The following PTPRD variants were observed in gnomAD, a reference collection of about 807,000 sequenced individuals.
PTPRD encodes protein tyrosine phosphatase receptor type D.
In PTPRD, 34 loss-of-function variants were observed where a neutral mutation model predicts 214.5. The ratio of observed to expected loss-of-function variants is 0.16; its 90% CI spans 0.12 to 0.21. PTPRD has a LOEUF of 0.21. Among genes scored for constraint, PTPRD ranks in the 10% least tolerant of loss-of-function variants. The pLI is 1.00. For missense variants in PTPRD, 2,545 were observed against 2,398.7 expected, an observed-to-expected ratio of 1.06 and a Z score of -1.27; for synonymous variants, 1,128 against 845.7, an observed-to-expected ratio of 1.33 and a Z score of -5.79.
chr9:9,829,428 T>A (rs2054072781), intron 5 of PTPRD, among the ~76,000 whole-genome samples: 1 of 151,896 alleles, frequency 6.6e-6, no homozygotes, highest in Non-Finnish European at 1.5e-5. Flanking sequence ...TGTTGTGGAA[T>A]TCATTTTGTT....
chr9:8,839,778 T>A (rs57486265), intron 11 of PTPRD, among the ~76,000 whole-genome samples: 5,181 of 147,980 alleles, frequency 0.035, 230 homozygotes, highest in African/African-American at 0.11. Context: ...GTGGGAGAAA[T>A]GGGAAGAAGG....
At chr9:9,019,529 AC>A (rs2099554730) in intron 10 of PTPRD, among the ~76,000 whole-genome samples, 1 of 152,030 alleles carries the variant, frequency 6.6e-6, no homozygotes, top group East Asian at 1.9e-4. Context: ...ACATGGTGAA[AC>A]CCCATCTCTA....
At chr9:9,242,518 A>G (rs1261516148) in intron 9 of PTPRD, among the ~76,000 whole-genome samples, 1 of 152,092 alleles carries the variant, frequency 6.6e-6, no homozygotes, top group African/African-American at 2.4e-5. Context: ...ACATAGTCCC[A>G]TATTTCTTGG....
chr9:8,537,119 C>T (rs1564157633), intron 14 of PTPRD, among the ~76,000 whole-genome samples: 1 of 151,974 alleles, frequency 6.6e-6, no homozygotes, highest in East Asian at 1.9e-4. Context: ...ACATCATGAC[C>T]ATTATTATTC....
chr9:8,931,464 T>G (rs180714893), intron 11 of PTPRD, among the ~76,000 whole-genome samples: 19 of 152,322 alleles, frequency 1.2e-4, no homozygotes, highest in African/African-American at 4.3e-4. Flanking sequence ...TGGTTCCGTA[T>G]GAACTTTAAA....
intron 12 of PTPRD, among the ~76,000 whole-genome samples, chr9:8,652,972 T>G (rs1163734735): frequency 6.6e-6 from 1 of 152,166 alleles, no homozygotes; most frequent in Non-Finnish European, 1.5e-5. Flanking sequence ...TACATGCTGC[T>G]TCTTTCCCTC....
At chr9:8,769,896 G>A (rs1565922233) in intron 11 of PTPRD, among the ~76,000 whole-genome samples, 1 of 151,956 alleles carries the variant, frequency 6.6e-6, no homozygotes, top group Admixed American at 6.6e-5. Flanking sequence ...ATACACAATG[G>A]GTTTAAAAAA....
At chr9:9,056,585 T>G (rs1191528674) in intron 10 of PTPRD, among the ~76,000 whole-genome samples, 2 of 152,242 alleles carry the variant, frequency 1.3e-5, no homozygotes. Context: ...ATGAGCATTT[T>G]AATCTCATAA....
chr9:8,696,157 G>C (rs1227961760), intron 12 of PTPRD, among the ~76,000 whole-genome samples: 2 of 152,132 alleles, frequency 1.3e-5, no homozygotes, highest in African/African-American at 4.8e-5. Flanking sequence ...TTCACGTTAT[G>C]TTTTTCAAGG....
At chr9:9,690,479 T>C (rs1012785070) in intron 7 of PTPRD, among the ~76,000 whole-genome samples, 1 of 151,918 alleles carries the variant, frequency 6.6e-6, no homozygotes, top group Non-Finnish European at 1.5e-5. Context: ...AGAAGATGTT[T>C]AGCTTGATAT....
rs3076471 is a variant in PTPRD at position 10,588,427 on chromosome 9, T to TACACACACACACACACAC, written c.-600+23953_-600+23970dup. Among the ~76,000 whole-genome samples the TACACACACACACACACAC allele has an allele frequency of 4.4e-3, 648 of 146,690 alleles. 5 individuals carry two copies. Among genetic ancestry groups the TACACACACACACACACAC allele is most frequent in the Non-Finnish European group, 5.1e-3 (339 of 66,348 alleles). ...ATGAAGGTGTCATTTTGGCTTATTGTACACACACACACACACACACACACA... is the reference window on the plus strand; with the variant it reads ...ATGAAGGTGTCATTTTGGCTTATTGTACACACACACACACACACACACACACACACACACACACACACA... On this transcript the variant is annotated intron_variant, in intron 2 of 45. Coordinates refer to ENST00000381196, the MANE Select transcript of PTPRD (RefSeq NM_002839.4).
chr9:10,287,485 T>A (rs1165281989), intron 3 of PTPRD, among the ~76,000 whole-genome samples: 1 of 152,192 alleles, frequency 6.6e-6, no homozygotes, highest in African/African-American at 2.4e-5. Context: ...CCTATGAATC[T>A]GAGTGCCATG....
intron 9 of PTPRD, among the ~76,000 whole-genome samples, chr9:9,391,611 T>C (rs2065870284): frequency 6.6e-6 from 1 of 152,212 alleles, no homozygotes; most frequent in Admixed American, 6.5e-5. Context: ...AGTCCTCATT[T>C]GTATATGCAC....
intron 10 of PTPRD, among the ~76,000 whole-genome samples, chr9:9,100,841 A>G (rs1274233417): frequency 2.6e-5 from 4 of 152,262 alleles, no homozygotes; most frequent in African/African-American, 9.6e-5. Context: ...TCCTGATCTC[A>G]TATTATATTA....
intron 2 of PTPRD, among the ~76,000 whole-genome samples, chr9:10,561,826 A>C (rs2064051398): frequency 6.6e-6 from 1 of 152,106 alleles, no homozygotes; most frequent in Admixed American, 6.6e-5. Context: ...CTTGGCTTTT[A>C]ATATTAATAT....
At chr9:9,473,256 A>T (rs1250233440) in intron 8 of PTPRD, among the ~76,000 whole-genome samples, 4 of 152,116 alleles carry the variant, frequency 2.6e-5, no homozygotes, top group Non-Finnish European at 5.9e-5. Context: ...GACTTATTTC[A>T]CTTAACATAA....
At chr9:10,379,349 A>C (rs1407923) in intron 2 of PTPRD, among the ~76,000 whole-genome samples, 32,900 of 151,524 alleles carry the variant, frequency 0.22, 4,794 homozygotes, top group East Asian at 0.71. Context: ...ATTTAGATGA[A>C]CTTTATTTCT....
intron 9 of PTPRD, among the ~76,000 whole-genome samples, chr9:9,347,097 G>A (rs906806503): frequency 2.8e-4 from 43 of 152,114 alleles, no homozygotes; most frequent in Non-Finnish European, 7.4e-5. Context: ...AGCCTGGGAG[G>A]TTGAGGCTGC....
Position 8,440,599 on chromosome 9 carries a change from C to T in PTPRD, c.3989-3910G>A, listed in dbSNP as rs193107573. Among the ~76,000 whole-genome samples the T allele has an allele frequency of 5.4e-3, 816 of 152,312 alleles. 5 individuals carry two copies. The highest frequency in any genetic ancestry group is 0.013 in the South Asian group (62 of 4,830). ...AAGTGCTGGGATTACAGGCGTGGGC[C>T]GCTGCGCCCGACCCATAAATGCATT... On this transcript the variant is annotated intron_variant, in intron 34 of 45. Transcript: ENST00000381196.
Sources: gnomAD v4.1 joint callset for allele counts (sites outside exome capture counted in the v4.1 genomes callset) on GRCh38, gnomAD v4.1.1 for gene constraint, MANE v1.5 for transcripts, NCBI Gene and HGNC (gene_info 2026-07-23, HGNC 2026-07-21) for gene names.